The following RFX4 variants were observed in gnomAD, a reference collection of about 807,000 sequenced individuals.
RFX4 encodes regulatory factor X4, also known as transcription factor RFX4.
Under a neutral mutation model 95.0 loss-of-function variants are expected in RFX4, and 10 were observed. That is an observed-to-expected ratio of 0.11 (90% CI 0.06 to 0.18). The LOEUF is 0.18. Among genes scored for constraint, RFX4 ranks in the 10% least tolerant of loss-of-function variants. The pLI is 1.00. For synonymous variants in RFX4, 321 were observed against 340.7 expected (o/e 0.94, Z 0.64); for missense variants, 640 against 922.0 (o/e 0.69, Z 3.96).
chr12:106,591,483 G>A (rs958015438), intron 1 of RFX4, among the ~76,000 whole-genome samples: 30 of 151,946 alleles, frequency 2.0e-4, no homozygotes, highest in Non-Finnish European at 8.8e-5. Context: ...GGCCAAGCTG[G>A]TCTCAAACTC....
chr12:106,690,605 C>G (rs1188180343), intron 7 of RFX4, among the ~76,000 whole-genome samples: 1 of 152,194 alleles, frequency 6.6e-6, no homozygotes, highest in African/African-American at 2.4e-5. Flanking sequence ...GGGACTCAGG[C>G]TCCTTCCACC....
chr12:106,600,772 C>G (rs2039690847), intron 1 of RFX4, among the ~76,000 whole-genome samples: 1 of 152,148 alleles, frequency 6.6e-6, no homozygotes, highest in Admixed American at 6.5e-5. Context: ...GGCCTCCTGG[C>G]TCCTCCTCAC....
At chr12:106,649,181 G>A (rs2137306328) in intron 3 of RFX4, among the ~76,000 whole-genome samples, 1 of 152,162 alleles carries the variant, frequency 6.6e-6, no homozygotes, top group East Asian at 1.9e-4. Context: ...GAGGAAACGA[G>A]AAAATTTCAT....
At chr12:106,651,775 C>T (rs941920441) in intron 3 of RFX4, among the ~76,000 whole-genome samples, 6 of 152,028 alleles carry the variant, frequency 3.9e-5, no homozygotes, top group African/African-American at 1.2e-4. Flanking sequence ...TGTTGTCGTG[C>T]GGGAATATGG....
chr12:106,714,455 A>G (rs2042251848), intron 10 of RFX4, among the ~76,000 whole-genome samples: 1 of 152,226 alleles, frequency 6.6e-6, no homozygotes, highest in Admixed American at 6.5e-5. Context: ...TTGTAATTGG[A>G]TGGTCTGGGT....
At position 106,583,065 on chromosome 12, in the gene RFX4, C is replaced by A; in HGVS notation, c.-256C>A. ...ATTACTGAGTGTCCCCTTGCTCGCTCGCTTTTTCTCTCTCCCCCTTCTCCG... is the reference window on the plus strand; with the variant it reads ...ATTACTGAGTGTCCCCTTGCTCGCTAGCTTTTTCTCTCTCCCCCTTCTCCG... On this transcript the variant is annotated 5_prime_UTR_variant, in exon 1 of 18. Transcript: ENST00000392842. The A allele has an allele frequency of 2.3e-6, 1 of 433,450 alleles. No homozygotes were observed. The highest frequency in any genetic ancestry group is 4.0e-6 in the Non-Finnish European group (1 of 248,554). The allele number at this position is 433,450 out of a possible 1,614,324, so 26.9% of individuals were successfully genotyped here.
chr12:106,747,371 AAAGT>A, intron 15 of RFX4, 62 bp from the exon 16 acceptor site: 1 of 1,560,716 alleles, frequency 6.4e-7, no homozygotes, highest in African/African-American at 1.4e-5. Flanking sequence ...GGAAGCCACT[AAAGT>A]AAGGAAGAAC....
intron 1 of RFX4, among the ~76,000 whole-genome samples, chr12:106,584,795 A>G (rs2039429804): frequency 6.6e-6 from 1 of 151,484 alleles, no homozygotes; most frequent in African/African-American, 2.5e-5. Context: ...TCTGATTCCT[A>G]GAGTCAAGGC....
intron 13 of RFX4, among the ~76,000 whole-genome samples, chr12:106,727,103 T>C (rs533958192): frequency 6.6e-6 from 1 of 152,222 alleles, no homozygotes; most frequent in Admixed American, 6.5e-5. Context: ...TGAAAAAAAT[T>C]CTAAATAAAA....
At chr12:106,678,989 T>C (rs539389832) in intron 4 of RFX4, among the ~76,000 whole-genome samples, 2 of 152,356 alleles carry the variant, frequency 1.3e-5, no homozygotes, top group East Asian at 1.9e-4. Context: ...TTGGAATTAA[T>C]AGATCAAAAA....
At chr12:106,702,851 A>G (rs1015824944) in intron 8 of RFX4, among the ~76,000 whole-genome samples, 5 of 152,130 alleles carry the variant, frequency 3.3e-5, no homozygotes, top group Non-Finnish European at 5.9e-5. Flanking sequence ...GTGGAACTTC[A>G]TGCTTTTTCC....
intron 7 of RFX4, among the ~76,000 whole-genome samples, chr12:106,690,285 A>G (rs1489942044): frequency 6.6e-6 from 1 of 152,172 alleles, no homozygotes; most frequent in Admixed American, 6.5e-5. Context: ...CCTTCTCTTG[A>G]CTTTTATCCA....
intron 11 of RFX4, among the ~76,000 whole-genome samples, chr12:106,719,740 G>T (rs1235371805): frequency 6.6e-6 from 1 of 152,140 alleles, no homozygotes; most frequent in East Asian, 1.9e-4. Context: ...AAGTAATATG[G>T]GATAGCCACA....
intron 10 of RFX4, among the ~76,000 whole-genome samples, chr12:106,712,082 C>G (rs764433213): frequency 6.6e-6 from 1 of 152,238 alleles, no homozygotes; most frequent in Non-Finnish European, 1.5e-5. Context: ...TGAAGGGACT[C>G]TAAGTCTGTT....
chr12:106,718,684 C>T (rs990711392), intron 11 of RFX4, among the ~76,000 whole-genome samples: 9 of 152,126 alleles, frequency 5.9e-5, no homozygotes, highest in South Asian at 4.1e-4. Flanking sequence ...ATGAAAGAAA[C>T]GTATGGATCT....
At chr12:106,723,415 T>G (rs1475471566) in intron 13 of RFX4, among the ~76,000 whole-genome samples, 2 of 152,198 alleles carry the variant, frequency 1.3e-5, no homozygotes, top group South Asian at 2.1e-4. Context: ...CCTTTACCTT[T>G]TCATTCTGGG....
At chr12:106,609,838 C>T (rs897869312) in intron 2 of RFX4, among the ~76,000 whole-genome samples, 2 of 152,102 alleles carry the variant, frequency 1.3e-5, no homozygotes, top group Non-Finnish European at 2.9e-5. Flanking sequence ...CCTCATGTCT[C>T]CTCCCTGTCA....
intron 4 of RFX4, among the ~76,000 whole-genome samples, chr12:106,676,929 A>AT (rs201620619): frequency 0.016 from 2,415 of 152,340 alleles, 32 homozygotes; most frequent in Non-Finnish European, 0.022. Context: ...AAGCAGTAAC[A>AT]TTGCGGTGGT....
chr12:106,616,639 T>TA (rs1316684187), intron 2 of RFX4, among the ~76,000 whole-genome samples: 3 of 152,206 alleles, frequency 2.0e-5, no homozygotes, highest in Non-Finnish European at 1.5e-5. Flanking sequence ...TCTAAATAGT[T>TA]ATTGGATTAT....
Sources: gnomAD v4.1 joint callset for allele counts (sites outside exome capture counted in the v4.1 genomes callset) on GRCh38, gnomAD v4.1.1 for gene constraint, MANE v1.5 for transcripts, NCBI Gene and HGNC (gene_info 2026-07-23, HGNC 2026-07-21) for gene names.